The following TBC1D19 variants were observed in gnomAD, a reference collection of about 807,000 sequenced individuals.
TBC1D19 encodes TBC1 domain family member 19.
TBC1D19 carries 60 observed loss-of-function variants against 89.0 expected under a neutral mutation model. That is an observed-to-expected ratio of 0.67 (90% CI 0.55 to 0.84). TBC1D19 has a LOEUF of 0.84. Among genes scored for constraint, TBC1D19 ranks in the 40% least tolerant of loss-of-function variants. The probability of loss-of-function intolerance (pLI) is 0.00; values close to 1 mark genes in which losing one functional copy is unlikely to be tolerated. For synonymous variants in TBC1D19, 189 were observed against 199.7 expected, an observed-to-expected ratio of 0.95 and a Z score of 0.45; for missense variants, 500 against 610.8, an observed-to-expected ratio of 0.82 and a Z score of 1.91.
chr4:26,591,799 A>G (rs369595118), intron 1 of TBC1D19, among the ~76,000 whole-genome samples: 40 of 152,354 alleles, frequency 2.6e-4, no homozygotes, highest in African/African-American at 9.6e-4. Context: ...AAGAAGTTGA[A>G]TCTCTGAATA....
At chr4:26,625,128 A>C (rs575889641) in intron 4 of TBC1D19, among the ~76,000 whole-genome samples, 1 of 151,932 alleles carries the variant, frequency 6.6e-6, no homozygotes, top group Non-Finnish European at 1.5e-5. Context: ...TCATGTCTTC[A>C]GAGTTGGGTT....
chr4:26,618,181 A>G (rs905198371), intron 3 of TBC1D19, among the ~76,000 whole-genome samples: 2 of 152,204 alleles, frequency 1.3e-5, no homozygotes, highest in Non-Finnish European at 1.5e-5. Context: ...TGCCTCCTGG[A>G]ACTTACATCC....
chr4:26,608,636 C>A (rs2110003934), intron 1 of TBC1D19, among the ~76,000 whole-genome samples: 1 of 152,146 alleles, frequency 6.6e-6, no homozygotes, highest in East Asian at 1.9e-4. Context: ...TTAAAAAATT[C>A]TTTAAATTGT....
At chr4:26,583,706 A>G (rs1310415066), upstream of TBC1D19, among the ~76,000 whole-genome samples, 1 of 152,204 alleles carries the variant, frequency 6.6e-6, no homozygotes, top group East Asian at 1.9e-4. Flanking sequence ...TATTTTACAG[A>G]GGCGGAAACT....
intron 15 of TBC1D19, among the ~76,000 whole-genome samples, chr4:26,725,869 A>G (rs572212718): frequency 6.6e-6 from 1 of 152,316 alleles, no homozygotes; most frequent in Admixed American, 6.5e-5. Flanking sequence ...CTCAGTAAAC[A>G]TTATTGAATA....
chr4:26,836,979 C>T, the TBC1D19 span, among the ~76,000 whole-genome samples: 8 of 152,134 alleles, frequency 5.3e-5, no homozygotes, highest in African/African-American at 7.2e-5. Flanking sequence ...AGTCTATTTT[C>T]GAGCCTGGAC....
At chr4:26,609,318 C>G (rs183577733) in intron 1 of TBC1D19, among the ~76,000 whole-genome samples, 1 of 152,008 alleles carries the variant, frequency 6.6e-6, no homozygotes, top group Non-Finnish European at 1.5e-5. Context: ...CCATTCCTTG[C>G]CTTTGAATTT....
intron 1 of TBC1D19, among the ~76,000 whole-genome samples, chr4:26,593,543 T>G (rs989531511): frequency 6.6e-6 from 1 of 152,008 alleles, no homozygotes; most frequent in Non-Finnish European, 1.5e-5. Context: ...ACCGTCAGAG[T>G]GAACAGGCAA....
intron 8 of TBC1D19, among the ~76,000 whole-genome samples, chr4:26,661,581 C>T (rs1011240210): frequency 6.6e-6 from 1 of 152,078 alleles, no homozygotes; most frequent in Non-Finnish European, 1.5e-5. Flanking sequence ...AGAGACCAAA[C>T]TAAAGCAAAA....
At chr4:26,642,920 A>T (rs1743648341) in intron 7 of TBC1D19, among the ~76,000 whole-genome samples, 1 of 152,230 alleles carries the variant, frequency 6.6e-6, no homozygotes, top group Admixed American at 6.5e-5. Context: ...AAGCACCCAG[A>T]TTCAAAAAGC....
chr4:26,769,199 T>G, the TBC1D19 span, among the ~76,000 whole-genome samples: 2 of 152,040 alleles, frequency 1.3e-5, no homozygotes, highest in Non-Finnish European at 2.9e-5. Flanking sequence ...TGAAAACATC[T>G]TTCAAAAATG....
the TBC1D19 span, chr4:26,858,506 C>G: frequency 6.6e-6 from 1 of 152,210 alleles, no homozygotes; most frequent in African/African-American, 2.4e-5. Context: ...AAGCGATTGC[C>G]TCATTTGGAG....
chr4:26,840,124 C>T, the TBC1D19 span, among the ~76,000 whole-genome samples: 1 of 151,892 alleles, frequency 6.6e-6, no homozygotes, highest in Admixed American at 6.6e-5. Context: ...CTCTGTCGCC[C>T]AGGCTGGAGT....
In TBC1D19 at chr4:26,613,257, C is replaced by T. The variant is rs756049033; in HGVS notation, c.172+16C>T. ...AAAATATCAGGTTTGTAAGTTTTTC[C>T]TAATAACTTAAGGCAAAATAAGAAA... On this transcript the variant is annotated intron_variant, in intron 2 of 20. Coordinates refer to ENST00000264866, the MANE Select transcript of TBC1D19 (RefSeq NM_018317.4). 1.4e-6 allele frequency: 2 copies of T among 1,474,812 alleles called. No homozygotes were observed. The highest frequency in any genetic ancestry group is 2.0e-5 in the Admixed American group (1 of 49,480). The allele number at this position is 1,474,812 out of a possible 1,614,324, so 91.4% of individuals were successfully genotyped here. A position where few individuals can be genotyped will look rare whatever the true frequency, so the allele number is the denominator to read the frequency against.
intron 1 of TBC1D19, among the ~76,000 whole-genome samples, chr4:26,586,965 A>G (rs537189518): frequency 6.6e-6 from 1 of 152,230 alleles, no homozygotes; most frequent in African/African-American, 2.4e-5. Flanking sequence ...ACTGTACTGG[A>G]TAATGCCTCC....
At chr4:26,680,664 A>G (rs1010583623) in intron 11 of TBC1D19, among the ~76,000 whole-genome samples, 1 of 152,206 alleles carries the variant, frequency 6.6e-6, no homozygotes, top group Non-Finnish European at 1.5e-5. Flanking sequence ...CCCCCACTAC[A>G]TAACTACAAC....
At chr4:26,790,173 A>G in the TBC1D19 span, among the ~76,000 whole-genome samples, 1 of 152,124 alleles carries the variant, frequency 6.6e-6, no homozygotes, top group Non-Finnish European at 1.5e-5. Flanking sequence ...TACCTTCTAA[A>G]TTTATAATAA....
chr4:26,766,322 A>G, the TBC1D19 span, among the ~76,000 whole-genome samples: 2 of 152,238 alleles, frequency 1.3e-5, no homozygotes, highest in Non-Finnish European at 2.9e-5. Context: ...GGAGCACTGT[A>G]TGAGGAACAG....
upstream of TBC1D19, among the ~76,000 whole-genome samples, chr4:26,580,968 G>C (rs575011560): frequency 6.6e-6 from 1 of 152,144 alleles, no homozygotes; most frequent in Non-Finnish European, 1.5e-5. Flanking sequence ...AGAAAGGCAG[G>C]GTTGGGCCCA....
Sources: gnomAD v4.1 joint callset for allele counts (sites outside exome capture counted in the v4.1 genomes callset) on GRCh38, gnomAD v4.1.1 for gene constraint, MANE v1.5 for transcripts, NCBI Gene and HGNC (gene_info 2026-07-23, HGNC 2026-07-21) for gene names.